COLEC12: variants seen among roughly 807,000 people sequenced by gnomAD.
COLEC12 encodes collectin-12.
COLEC12 carries 33 observed loss-of-function variants against 71.1 expected under a neutral mutation model. The ratio of observed to expected loss-of-function variants is 0.46; its 90% confidence interval spans 0.35 to 0.62. COLEC12 has a LOEUF of 0.62. COLEC12 is among the 20% of genes least tolerant of loss of function. COLEC12 has a pLI of 0.00. For missense variants in COLEC12, 765 were observed against 916.1 expected, an observed-to-expected ratio of 0.84 and a Z score of 2.13; for synonymous variants, 350 against 353.0, an observed-to-expected ratio of 0.99 and a Z score of 0.10.
chr18:483,055 A>C (rs1917453937), intron 1 of COLEC12, among the ~76,000 whole-genome samples: 1 of 152,206 alleles, frequency 6.6e-6, no homozygotes, highest in Non-Finnish European at 1.5e-5. Flanking sequence ...CTATCTATAA[A>C]CACAATGTGG....
chr18:460,978 G>C (rs1291066892), intron 2 of COLEC12, among the ~76,000 whole-genome samples: 1 of 152,188 alleles, frequency 6.6e-6, no homozygotes, highest in Non-Finnish European at 1.5e-5. Context: ...AGGTTGGTTG[G>C]TTGGTCAGTC....
chr18:445,283 C>G (rs1046878075), intron 2 of COLEC12, among the ~76,000 whole-genome samples: 3 of 152,156 alleles, frequency 2.0e-5, no homozygotes, highest in Non-Finnish European at 4.4e-5. Context: ...CATTATCCAT[C>G]TCTCCTAGGT....
rs1266010103 is a variant in COLEC12 at position 447,580 on chromosome 18, C to G, written c.58+33127G>C. Reference sequence around the variant, plus strand: ...CTCCAGGAAAAACAGCAATCCATAACCTGTGTGTGCTGAGAATCTAGTACA... The same window carrying G: ...CTCCAGGAAAAACAGCAATCCATAAGCTGTGTGTGCTGAGAATCTAGTACA... On this transcript the variant is annotated intron_variant, in intron 2 of 9. Coordinates refer to ENST00000400256, the MANE Select transcript of COLEC12 (RefSeq NM_130386.3). Among the ~76,000 whole-genome samples, 33 of 152,204 alleles carry G rather than the reference C, an allele frequency of 2.2e-4. 3 individuals are homozygous for G. Among genetic ancestry groups the G allele is most frequent in the Admixed American group, 2.1e-3 (32 of 15,274 alleles).
intron 3 of COLEC12, among the ~76,000 whole-genome samples, chr18:350,210 GT>G (rs1216390395): frequency 6.6e-6 from 1 of 152,158 alleles, no homozygotes; most frequent in Non-Finnish European, 1.5e-5. Context: ...CATGGGGGCG[GT>G]TTCCCCCATA....
At chr18:490,021 C>T (rs963523590) in intron 1 of COLEC12, among the ~76,000 whole-genome samples, 2 of 152,244 alleles carry the variant, frequency 1.3e-5, no homozygotes, top group African/African-American at 4.8e-5. Flanking sequence ...CCCCTGGAAT[C>T]TGGGCAGGCC....
intron 2 of COLEC12, among the ~76,000 whole-genome samples, chr18:418,936 G>A (rs528513532): frequency 6.6e-6 from 1 of 152,222 alleles, no homozygotes; most frequent in East Asian, 1.9e-4. Context: ...TCTTGTGCGA[G>A]ATCCAAGAAC....
rs138772803 is a variant in COLEC12, at chr18:438,414, G to A, written c.58+42293C>T. Among the ~76,000 whole-genome samples the A allele has an allele frequency of 2.4e-3, 362 of 152,234 alleles. 1 individual carries two copies. Among genetic ancestry groups the A allele is most frequent in the African/African-American group, 8.3e-3 (345 of 41,528 alleles). On this transcript the variant is annotated intron_variant, in intron 2 of 9. Transcript: ENST00000400256. Reference sequence around the variant, plus strand: ...ATCAATTTTAAACATACTAAAACCTGAAGTATTTGTCATTTTAATTTCAAT... The same window carrying A: ...ATCAATTTTAAACATACTAAAACCTAAAGTATTTGTCATTTTAATTTCAAT...
intron 2 of COLEC12, among the ~76,000 whole-genome samples, chr18:435,071 T>C (rs1353577466): frequency 2.0e-5 from 3 of 152,252 alleles, no homozygotes; most frequent in African/African-American, 7.2e-5. Context: ...GATATTTTAA[T>C]TCTTTTCATT....
chr18:343,148 C>T (rs1368338396), intron 5 of COLEC12, among the ~76,000 whole-genome samples: 3 of 152,198 alleles, frequency 2.0e-5, no homozygotes, highest in African/African-American at 7.2e-5. Context: ...CTACATCACC[C>T]CCAATCCCTA....
intron 2 of COLEC12, among the ~76,000 whole-genome samples, chr18:439,089 A>C (rs2846641): frequency 0.28 from 41,916 of 152,108 alleles, 7,234 homozygotes; most frequent in South Asian, 0.5. Flanking sequence ...GAAGAAGATG[A>C]GGCAAGATCT....
chr18:319,944 C>CTTT lies in COLEC12; in HGVS notation c.*98_*100dup. 1 of 604,054 alleles carries CTTT rather than the reference C, an allele frequency of 1.7e-6. No individual in the cohort carries two copies. The highest frequency in any genetic ancestry group is 2.8e-6 in the Non-Finnish European group (1 of 356,214). 37.4% of individuals were successfully genotyped at this position (604,054 alleles called of 1,614,324 possible). ...TTTTTTCAGTAATTGGTTTTCAGTG[C>CTTT]TTTTTTTTTTTCAATCTGATGAGAA... On this transcript the variant is annotated 3_prime_UTR_variant, in exon 10 of 10. Coordinates refer to ENST00000400256, the MANE Select transcript of COLEC12 (RefSeq NM_130386.3).
In COLEC12 at chr18:377,442, G is replaced by A. The variant is rs111605480; in HGVS notation, c.59-19920C>T. Among the ~76,000 whole-genome samples, 908 of 152,310 alleles carry A rather than the reference G, an allele frequency of 6.0e-3. 5 individuals carry two copies. Among genetic ancestry groups the A allele is most frequent in the African/African-American group, 0.019 (779 of 41,566 alleles). On this transcript the variant is annotated intron_variant, in intron 2 of 9. Transcript: ENST00000400256. The stretch of plus-strand genomic sequence containing the variant: ...TCCCTGGCTAGATCTAACAGTGTGC[G>A]CTGGGATATGCCAGTTACAGGCGTA...
intron 1 of COLEC12, among the ~76,000 whole-genome samples, chr18:499,605 C>T (rs1290279785): frequency 7.2e-5 from 11 of 152,224 alleles, no homozygotes; most frequent in Admixed American, 7.2e-4. Flanking sequence ...GAACCAGCAA[C>T]TCTCACACGA....
intron 2 of COLEC12, among the ~76,000 whole-genome samples, chr18:368,183 C>T (rs1041269308): frequency 4.6e-4 from 70 of 152,262 alleles, no homozygotes; most frequent in African/African-American, 1.6e-3. Flanking sequence ...TTGTTTAAAA[C>T]TGAAATAACT....
rs58169259 is a variant in COLEC12, at chr18:451,746, CA to C, written c.58+28960del. ...TGGACAACAAAGCGAGACTCCATCT[CA>C]AAAAAAAAAAGAAATGACCTGAAAT... On this transcript the variant is annotated intron_variant, in intron 2 of 9. Transcript: ENST00000400256. Among the ~76,000 whole-genome samples, 1,057 of 138,394 alleles carry C rather than the reference CA, an allele frequency of 7.6e-3. 15 individuals are homozygous for C. Among genetic ancestry groups the C allele is most frequent in the African/African-American group, 0.027 (997 of 37,102 alleles). 90.8% of individuals were successfully genotyped at this position (138,394 alleles called of 152,430 possible).
intron 2 of COLEC12, among the ~76,000 whole-genome samples, chr18:368,992 T>A (rs1914934197): frequency 6.6e-6 from 1 of 152,242 alleles, no homozygotes; most frequent in Non-Finnish European, 1.5e-5. Context: ...ATTGTTGTTA[T>A]CTCTTCACAA....
chr18:402,857 G>A (rs1320205787), intron 2 of COLEC12, among the ~76,000 whole-genome samples: 1 of 152,084 alleles, frequency 6.6e-6, no homozygotes, highest in Non-Finnish European at 1.5e-5. Flanking sequence ...CTCAGGAAGA[G>A]TCAGTGTCCC....
chr18:482,096 T>A (rs1370275969), intron 1 of COLEC12, among the ~76,000 whole-genome samples: 1 of 151,530 alleles, frequency 6.6e-6, no homozygotes, highest in East Asian at 1.9e-4. Flanking sequence ...TAGGCCCCAG[T>A]GGCTACTGTC....
intron 2 of COLEC12, among the ~76,000 whole-genome samples, chr18:411,030 A>G (rs1185115475): frequency 6.6e-6 from 1 of 152,070 alleles, no homozygotes; most frequent in African/African-American, 2.4e-5. Flanking sequence ...GCCTACCCAT[A>G]ATGGAGCCAC....
Sources: gnomAD v4.1 joint callset for allele counts (sites outside exome capture counted in the v4.1 genomes callset) on GRCh38, gnomAD v4.1.1 for gene constraint, MANE v1.5 for transcripts, NCBI Gene and HGNC (gene_info 2026-07-23, HGNC 2026-07-21) for gene names.